Variants in AVIL observed in about 807,000 individuals in gnomAD.
AVIL encodes advillin.
A neutral mutation model predicts 109.9 loss-of-function variants in AVIL; 78 were observed. That is an observed-to-expected ratio of 0.71 (90% CI 0.59 to 0.86). The LOEUF is 0.86. Among genes scored for constraint, AVIL ranks in the 40% least tolerant of loss-of-function variants. The pLI is 0.00. For synonymous variants in AVIL, 367 were observed against 379.1 expected, an observed-to-expected ratio of 0.97 and a Z score of 0.37; for missense variants, 892 against 1,016.5, an observed-to-expected ratio of 0.88 and a Z score of 1.67.
rs1955948582 is a variant in AVIL at position 57,806,467 on chromosome 12, T to G, written c.1564A>C (p.Lys522Gln). ...VRLFQIHGND[K>Q]SNTKAVEVPA... Reference sequence around the variant, plus strand: ...ACTTCCACTGCTTTGGTGTTAGATTTGTCATTTCCATGAATTTGGAAGAGT... The same window carrying G: ...ACTTCCACTGCTTTGGTGTTAGATTGGTCATTTCCATGAATTTGGAAGAGT... Residue 522 changes from lysine to glutamine, a missense_variant, in exon 14 of 20, where the codon AAA (lysine) becomes CAA (glutamine). Physicochemically the swap from Lys to Gln is moderately conservative, Grantham distance 53 (BLOSUM62 1). Transcript: ENST00000549994. 6.2e-7 allele frequency: 1 copy of G among 1,614,060 alleles called. No individual in the cohort carries two copies. The highest frequency in any genetic ancestry group is 8.5e-7 in the Non-Finnish European group (1 of 1,180,034).
At chr12:57,809,541 C>T (rs1158200912) in intron 9 of AVIL, 56 bp downstream of exon 9, 17 of 1,587,688 alleles carry the variant, frequency 1.1e-5, no homozygotes, top group African/African-American at 2.7e-5. Context: ...GAGTGACACA[C>T]CTGAAGTGCT....
At chr12:57,801,856 C>T (rs534427859) in intron 17 of AVIL, among the ~76,000 whole-genome samples, 1 of 152,220 alleles carries the variant, frequency 6.6e-6, no homozygotes, top group Admixed American at 6.5e-5. Context: ...AAATAGGGAG[C>T]AATACTTCTA....
chr12:57,798,223 C>G (rs960168371), intron 19 of AVIL, among the ~76,000 whole-genome samples: 1 of 152,178 alleles, frequency 6.6e-6, no homozygotes, highest in African/African-American at 2.4e-5. Context: ...ATTCACTGCT[C>G]TCACAGTGCC....
At chr12:57,806,866 CA>C (rs1157033724) in intron 13 of AVIL, among the ~76,000 whole-genome samples, 3 of 152,202 alleles carry the variant, frequency 2.0e-5, no homozygotes, top group Non-Finnish European at 4.4e-5. Context: ...TAGTAAATGA[CA>C]AGGCTAGGAC....
chr12:57,810,691 C>T (rs1314700665), intron 6 of AVIL, 125 bp downstream of exon 6: 2 of 1,367,710 alleles, frequency 1.5e-6, no homozygotes, highest in Admixed American at 1.8e-5. Context: ...AACTCACACA[C>T]TTGGCCTGTC....
chr12:57,812,331 A>G (rs969927563), intron 4 of AVIL, among the ~76,000 whole-genome samples: 1 of 148,440 alleles, frequency 6.7e-6, no homozygotes, highest in African/African-American at 2.5e-5. Context: ...ACCACGCCCA[A>G]CCCATCCTGT....
At chr12:57,800,263 A>T (rs1955820000) in intron 18 of AVIL, 1 of 209,252 alleles carries the variant, frequency 4.8e-6, no homozygotes, top group Non-Finnish European at 9.8e-6. Context: ...CAGCCTTTAA[A>T]TGACTTTAGG....
chr12:57,813,037 T>C (rs1336911623), intron 4 of AVIL, among the ~76,000 whole-genome samples, 190 bp downstream of exon 4: 1 of 152,256 alleles, frequency 6.6e-6, no homozygotes, highest in East Asian at 1.9e-4. Flanking sequence ...CAAGGGCTCC[T>C]ATTTCCCCAT....
chr12:57,805,153 TCAAG>T (rs751142520), intron 14 of AVIL, among the ~76,000 whole-genome samples: 2 of 152,004 alleles, frequency 1.3e-5, no homozygotes, highest in Non-Finnish European at 2.9e-5. Flanking sequence ...CCTGCCAGGT[TCAAG>T]CAATTCTCCT....
rs1468749724 is a variant in AVIL at position 57,802,778 on chromosome 12, A to G, written c.1963-430T>C. 9 of 584,874 alleles carry G rather than the reference A, an allele frequency of 1.5e-5. 1 individual carries two copies. Among genetic ancestry groups the G allele is most frequent in the East Asian group, 2.8e-5 (1 of 35,606 alleles). 36.2% of individuals were successfully genotyped at this position (584,874 alleles called of 1,614,324 possible). Reference sequence around the variant, plus strand: ...GTTTCCTAGAAACCCCCCATATCCAATGAGTCACCAGGGCTGACCAACTTT... The same window carrying G: ...GTTTCCTAGAAACCCCCCATATCCAGTGAGTCACCAGGGCTGACCAACTTT... On this transcript the variant is annotated intron_variant, in intron 16 of 19. Transcript: ENST00000549994.
In AVIL at chr12:57,797,580, G is replaced by C. The variant is rs114214463; in HGVS notation, c.*302C>G. On this transcript the variant is annotated 3_prime_UTR_variant, in exon 20 of 20. Coordinates refer to ENST00000549994, the MANE Select transcript of AVIL (RefSeq NM_006576.4). ...AACATAAAGTTATTAAACATTTTAA[G>C]CATTGTTTTTTGGTTCTCTTTCTTT... is the stretch of plus-strand genomic sequence containing the variant. The C allele has an allele frequency of 1.4e-3, 1,315 of 921,872 alleles. 18 individuals carry two copies. The African/African-American group carries it at 0.021, about 15-fold the overall frequency. 57.1% of individuals were successfully genotyped at this position (921,872 alleles called of 1,614,324 possible).
rs772905197 is a variant in AVIL, at chr12:57,803,655, A to G, written c.1686T>C (p.Asp562=). 2 of 1,614,072 alleles carry G rather than the reference A, an allele frequency of 1.2e-6. No homozygotes were observed. The highest frequency in any genetic ancestry group is 2.7e-5 in the African/African-American group (2 of 75,044). The stretch of plus-strand genomic sequence containing the variant: ...CCAGCTCCTTAGCCATTGCCCGCTC[A>G]TCCCCACTAGACCCCTGAGAGTGGG... ...YLWYGKGSSG[D]ERAMAKELAS... Residue 562 remains aspartate, a synonymous_variant, in exon 15 of 20, where the codon GAT becomes GAC. Coordinates refer to ENST00000549994, the MANE Select transcript of AVIL (RefSeq NM_006576.4).
At chr12:57,810,575 C>T in intron 6 of AVIL, 24 bp from the exon 7 acceptor site, 1 of 1,611,038 alleles carries the variant, frequency 6.2e-7, no homozygotes, top group Non-Finnish European at 8.5e-7. Flanking sequence ...CCAAGGAAGC[C>T]CTCAGCTCCT....
In AVIL at chr12:57,799,894, C is replaced by G; in HGVS notation, c.2247G>C (p.Leu749=). The G allele has an allele frequency of 1.2e-6, 2 of 1,614,148 alleles. No individual in the cohort carries two copies. The highest frequency in any genetic ancestry group is 1.7e-6 in the Non-Finnish European group (2 of 1,180,034). ...ATTTTGGCTCACTGTCATTAGAATTCAGGGAGAGGGTTGCATTCTTCATGT... is the reference window on the plus strand; with the variant it reads ...ATTTTGGCTCACTGTCATTAGAATTGAGGGAGAGGGTTGCATTCTTCATGT... ...TADMKNATLS[L]NSNDSEPKYY... Residue 749 remains leucine (L), a synonymous_variant, in exon 19 of 20, where the codon CTG becomes CTC. Transcript: ENST00000549994.
chr12:57,811,920 T>A (rs1956043065), intron 4 of AVIL, among the ~76,000 whole-genome samples: 1 of 152,262 alleles, frequency 6.6e-6, no homozygotes, highest in African/African-American at 2.4e-5. Context: ...CCTGTCCTAC[T>A]CCCATTCCTC....
chr12:57,802,381 T>G, intron 16 of AVIL, 33 bp from the exon 17 acceptor site: 1 of 1,574,754 alleles, frequency 6.4e-7, no homozygotes, highest in Admixed American at 1.9e-5. Flanking sequence ...TATGTTACTG[T>G]GTTCATACCA....
rs1489748865 is a variant in AVIL at position 57,808,401 on chromosome 12, T to C, written c.1087A>G (p.Lys363Glu). The C allele has an allele frequency of 3.1e-6, 5 of 1,614,088 alleles. No individual in the cohort carries two copies. The highest frequency in any genetic ancestry group is 3.4e-6 in the Non-Finnish European group (4 of 1,180,046). Residue 363 changes from lysine (K) to glutamate (E), a missense_variant, in exon 10 of 20, where the codon AAA (lysine) becomes GAA (glutamate). By Grantham distance (56) the Lys-to-Glu change is moderately conservative (BLOSUM62 1). Transcript: ENST00000549994. ...MGLGKTFSIG[K>E]IAKVFQDKFD... ...GATCTGGGGGCAGTCTCACCAATTT[T>C]ACCAATGCTGAACGTTTTCCCCAGG...
chr12:57,804,609 C>T (rs543750065), intron 14 of AVIL, among the ~76,000 whole-genome samples: 4 of 151,892 alleles, frequency 2.6e-5, no homozygotes, highest in South Asian at 2.1e-4. Context: ...GTCAGGAGTT[C>T]GAGAGCAGCC....
chr12:57,818,538 A>G (rs1481450537), intron 1 of AVIL, 91 bp downstream of exon 1: 1 of 152,222 alleles, frequency 6.6e-6, no homozygotes, highest in Non-Finnish European at 1.5e-5. Context: ...CTCAGAAGAC[A>G]AAGCCAAGGG....
Sources: allele counts gnomAD v4.1 joint callset (sites outside exome capture counted in the v4.1 genomes callset), GRCh38; gene constraint gnomAD v4.1.1; transcripts MANE v1.5; gene names NCBI Gene and HGNC (gene_info 2026-07-23, HGNC 2026-07-21).